Variants in CYGB observed in about 807,000 individuals in gnomAD.
CYGB encodes histoglobin.
CYGB carries 13 observed loss-of-function variants against 20.7 expected under a neutral mutation model. The ratio of observed to expected loss-of-function variants is 0.63; its 90% CI spans 0.41 to 1.00. CYGB has a LOEUF of 1.00. Among genes scored for constraint, CYGB ranks in the 50% least tolerant of loss-of-function variants. The pLI is 0.00. For missense variants in CYGB, 218 were observed against 257.2 expected (o/e 0.85, Z 1.04); for synonymous variants, 93 against 107.4 (o/e 0.87, Z 0.83).
At chr17:76,534,290 T>C (rs995770023) in intron 1 of CYGB, among the ~76,000 whole-genome samples, 7 of 151,980 alleles carry the variant, frequency 4.6e-5, no homozygotes, top group African/African-American at 1.7e-4. Context: ...GATTCTCCTG[T>C]CTCAGCCTCA....
upstream of CYGB, among the ~76,000 whole-genome samples, chr17:76,541,514 T>A (rs762221835): frequency 6.6e-6 from 1 of 152,144 alleles, no homozygotes; most frequent in Non-Finnish European, 1.5e-5. Context: ...CCGAGAGAAC[T>A]TCCGTCTTTC....
intron 1 of CYGB, chr17:76,542,994 G>A (rs2075009702): frequency 2.1e-6 from 1 of 487,758 alleles, no homozygotes; most frequent in Non-Finnish European, 4.2e-6. Flanking sequence ...CCAGGTGTGG[G>A]AGAAGTGCTG....
chr17:76,550,525 G>C (rs960982226), intron 1 of CYGB: 1 of 152,248 alleles, frequency 6.6e-6, no homozygotes, highest in Non-Finnish European at 1.5e-5. Flanking sequence ...GCCTCCCAAA[G>C]TGCTGGGATT....
upstream of CYGB, among the ~76,000 whole-genome samples, chr17:76,539,354 T>C (rs1195890108): frequency 1.3e-5 from 2 of 152,228 alleles, no homozygotes; most frequent in Non-Finnish European, 2.9e-5. Context: ...TCGTATGGTG[T>C]AGGAATGAAT....
intron 1 of CYGB, among the ~76,000 whole-genome samples, chr17:76,535,449 T>A (rs2074903967): frequency 6.6e-6 from 1 of 152,048 alleles, no homozygotes; most frequent in South Asian, 2.1e-4. Flanking sequence ...GACCAGGCCC[T>A]GGACAGAGAC....
chr17:76,531,313 C>G lies in CYGB; in HGVS notation c.375+147G>C. 8.3e-7 allele frequency: 1 copy of G among 1,205,786 alleles called. No individual in the cohort carries two copies. The highest frequency in any genetic ancestry group is 2.6e-5 in the East Asian group (1 of 38,922). The allele number at this position is 1,205,786 out of a possible 1,614,324, so 74.7% of individuals were successfully genotyped here. ...AGGGTTGCCCTGGACCCAGCCCCTC[C>G]ATCCTGCTGCCGGGCACTGCCCCTC... On this transcript the variant is annotated intron_variant, in intron 2 of 3. Coordinates refer to ENST00000293230, the MANE Select transcript of CYGB (RefSeq NM_134268.5). The surrounding 1 kb of genome is among the most constrained non-coding windows in gnomAD (Gnocchi z 7.4).
chr17:76,529,598 G>A, intron 3 of CYGB: 1 of 985,438 alleles, frequency 1.0e-6, no homozygotes, highest in Non-Finnish European at 1.2e-6. Flanking sequence ...CTTGTGTCCT[G>A]GCTGTAAACA....
rs187473100 is a variant in CYGB at position 76,533,321 on chromosome 17, A to C, written c.144-1630T>G. Among the ~76,000 whole-genome samples the C allele has an allele frequency of 2.6e-5, 4 of 152,226 alleles. No homozygotes were observed. Among genetic ancestry groups the C allele is most frequent in the Non-Finnish European group, 4.4e-5 (3 of 68,044 alleles). ...AGGACACGTGAGGCGACGGGTCTGA[A>C]AATACATTGAATTTTCTGGAGAAGC... is the stretch of plus-strand genomic sequence containing the variant. On this transcript the variant is annotated intron_variant, in intron 1 of 3. Transcript: ENST00000293230. The surrounding 1 kb of genome is among the most constrained non-coding windows in gnomAD (Gnocchi z 4.5).
rs4648337 is a variant in CYGB, at chr17:76,531,715, C to T, written c.144-24G>A. On this transcript the variant is annotated intron_variant, in intron 1 of 3. Coordinates refer to ENST00000293230, the MANE Select transcript of CYGB (RefSeq NM_134268.5). The surrounding 1 kb of genome is among the most constrained non-coding windows in gnomAD (Gnocchi z 7.4). ...ACCTGGCAAGAGGAACAGGGGTGGT[C>T]GCTGAAGCTGGAGGCTGCCTCGGGC... 48 of 1,564,604 alleles carry T rather than the reference C, an allele frequency of 3.1e-5. No individual in the cohort carries two copies. In the African/African-American group the frequency reaches 6.1e-4, roughly 20 times the overall value.
chr17:76,535,962 C>T (rs1305196498), intron 1 of CYGB, among the ~76,000 whole-genome samples: 1 of 152,244 alleles, frequency 6.6e-6, no homozygotes, highest in African/African-American at 2.4e-5. Context: ...CGGTGGGCTG[C>T]AGGTGCTGAC....
rs142800529 is a variant in CYGB at position 76,529,967 on chromosome 17, G to A, written c.539+1012C>T. 434 of 985,378 alleles carry A rather than the reference G, an allele frequency of 4.4e-4. 1 individual carries two copies. The African/African-American group carries it at 7.1e-3, about 16-fold the overall frequency. 61.0% of individuals were successfully genotyped at this position (985,378 alleles called of 1,614,324 possible). On this transcript the variant is annotated intron_variant, in intron 3 of 3. Transcript: ENST00000293230. ...GCCAGTGTGGTCAGCAGCAGGAAGG[G>A]CAGGAGGCCTGGCGTCCCCAGCTGC...
chr17:76,545,063 G>A, intron 1 of CYGB: 1 of 451,746 alleles, frequency 2.2e-6, no homozygotes. Flanking sequence ...GCCGGGTGGG[G>A]GGGCTGTCTC....
chr17:76,531,820 A>T lies in CYGB; in HGVS notation c.144-129T>A, dbSNP rs1460384187. The T allele has an allele frequency of 4.0e-5, 30 of 743,744 alleles. No individual in the cohort carries two copies. The Admixed American group carries it at 8.6e-4, about 21-fold the overall frequency. 46.1% of individuals were successfully genotyped at this position (743,744 alleles called of 1,614,324 possible). On this transcript the variant is annotated intron_variant, in intron 1 of 3. Transcript: ENST00000293230. This position sits in a 1 kb window ranked among gnomAD's most constrained non-coding sequence, Gnocchi z 7.4. ...CCACCCCCGCACCGTCACTGTTTTCACTACCATCAGTAGACCTCAGCATAG... is the reference window on the plus strand; with the variant it reads ...CCACCCCCGCACCGTCACTGTTTTCTCTACCATCAGTAGACCTCAGCATAG...
rs1171916184 is a variant in CYGB at position 76,531,807 on chromosome 17, C to T, written c.144-116G>A. 2.9e-5 allele frequency: 24 copies of T among 824,132 alleles called. No homozygotes were observed. The African/African-American group carries it at 2.9e-4, about 10-fold the overall frequency. The allele number at this position is 824,132 out of a possible 1,614,324, so 51.1% of individuals were successfully genotyped here. On this transcript the variant is annotated intron_variant, in intron 1 of 3. Coordinates refer to ENST00000293230, the MANE Select transcript of CYGB (RefSeq NM_134268.5). This position sits in a 1 kb window ranked among gnomAD's most constrained non-coding sequence, Gnocchi z 7.4. Reference sequence around the variant, plus strand: ...ACCGCAGTGCTCCCCACCCCCGCACCGTCACTGTTTTCACTACCATCAGTA... The same window carrying T: ...ACCGCAGTGCTCCCCACCCCCGCACTGTCACTGTTTTCACTACCATCAGTA...
chr17:76,538,734 G>C (rs141727306), upstream of CYGB, among the ~76,000 whole-genome samples: 475 of 152,338 alleles, frequency 3.1e-3, 5 homozygotes, highest in Non-Finnish European at 2.1e-3. Flanking sequence ...GGCCAGAGGT[G>C]GGGGGAGAAT....
intron 1 of CYGB, among the ~76,000 whole-genome samples, chr17:76,536,742 T>C (rs758006708): frequency 1.1e-4 from 16 of 152,030 alleles, no homozygotes; most frequent in Non-Finnish European, 1.5e-4. Context: ...TCCTGAAGCT[T>C]CTCTCTTCTT....
intron 1 of CYGB, among the ~76,000 whole-genome samples, chr17:76,537,053 C>G (rs896795158): frequency 6.6e-6 from 1 of 152,218 alleles, no homozygotes; most frequent in African/African-American, 2.4e-5. Flanking sequence ...CCCTGCTATA[C>G]TACCTTTGAA....
At chr17:76,545,498 T>G (rs2075045834) in intron 1 of CYGB, 1 of 399,902 alleles carries the variant, frequency 2.5e-6, no homozygotes, top group Non-Finnish European at 5.0e-6. Flanking sequence ...GAGGGAGAGC[T>G]GAGCCAAAGG....
chr17:76,534,475 G>A (rs1401270917), intron 1 of CYGB, among the ~76,000 whole-genome samples: 4 of 152,162 alleles, frequency 2.6e-5, no homozygotes, highest in Admixed American at 6.5e-5. Flanking sequence ...CACGGTGCCC[G>A]GCCTGTTATT....
Sources: allele counts gnomAD v4.1 joint callset (sites outside exome capture counted in the v4.1 genomes callset), GRCh38; gene constraint gnomAD v4.1.1; non-coding constraint Gnocchi (gnomAD v3.1); transcripts MANE v1.5; gene names NCBI Gene and HGNC (gene_info 2026-07-23, HGNC 2026-07-21).